The following EYS variants were observed in gnomAD, a reference collection of about 807,000 sequenced individuals.
The protein encoded by EYS is EGF-like photoreceptor maintenance factor.
EYS carries 250 observed loss-of-function variants against 282.1 expected under a neutral mutation model. The observed-to-expected ratio is 0.89, with a 90% CI of 0.80 to 0.98. The LOEUF (loss-of-function observed/expected upper bound fraction) is 0.98. Ranked by LOEUF, EYS falls within the 50% of genes least tolerant of loss-of-function variation. The probability of loss-of-function intolerance (pLI) is 0.00; values close to 1 mark genes in which losing one functional copy is unlikely to be tolerated. For synonymous variants in EYS, 1,355 were observed against 1,282.9 expected, an observed-to-expected ratio of 1.06 and a Z score of -1.20; for missense variants, 4,016 against 3,709.0, an observed-to-expected ratio of 1.08 and a Z score of -2.15.
intron 15 of EYS, among the ~76,000 whole-genome samples, chr6:64,941,430 A>T (rs773815372): frequency 2.8e-4 from 42 of 152,084 alleles, no homozygotes; most frequent in Non-Finnish European, 5.9e-5. Flanking sequence ...TTGGAATAAT[A>T]GCAATAGCTA....
chr6:63,878,668 C>A (rs1158826059), intron 35 of EYS, among the ~76,000 whole-genome samples: 5 of 152,198 alleles, frequency 3.3e-5, no homozygotes, highest in Non-Finnish European at 7.4e-5. Flanking sequence ...ACTCAAGCCT[C>A]CGCCATGGCA....
At chr6:64,083,338 G>T (rs1257801361) in intron 31 of EYS, among the ~76,000 whole-genome samples, 2 of 152,172 alleles carry the variant, frequency 1.3e-5, no homozygotes, top group Non-Finnish European at 2.9e-5. Context: ...TCCAGTCTAA[G>T]AAATTTAGTA....
rs138447983 is a variant in EYS at position 64,314,194 on chromosome 6, C to CAAAAAAAAA, written c.6079-7121_6079-7113dup. Among the ~76,000 whole-genome samples the CAAAAAAAAA allele has an allele frequency of 7.2e-4, 20 of 27,658 alleles. 5 individuals carry two copies. The highest frequency in any genetic ancestry group is 1.7e-3 in the African/African-American group (11 of 6,472). 18.1% of individuals were successfully genotyped at this position (27,658 alleles called of 152,430 possible). A position where few individuals can be genotyped will look rare whatever the true frequency, so the allele number is the denominator to read the frequency against. On this transcript the variant is annotated intron_variant, in intron 29 of 42. Transcript: ENST00000503581. ...GAAGATTTACTAAACAAATGGAAAGCAAAAAAAAAAAAAAAAAAAAAAAAG... is the reference window on the plus strand; with the variant it reads ...GAAGATTTACTAAACAAATGGAAAGCAAAAAAAAAAAAAAAAAAAAAAAAAAAAAAAAAG...
At chr6:64,551,295 A>C (rs1765073886) in intron 26 of EYS, among the ~76,000 whole-genome samples, 4 of 151,464 alleles carry the variant, frequency 2.6e-5, no homozygotes, top group Admixed American at 6.6e-5. Flanking sequence ...AAAGGTTTGG[A>C]GAGTACCTTT....
At chr6:64,547,188 A>T (rs1393644688) in intron 26 of EYS, among the ~76,000 whole-genome samples, 3 of 152,166 alleles carry the variant, frequency 2.0e-5, no homozygotes, top group African/African-American at 7.2e-5. Context: ...TTTATTGCAA[A>T]GAGTGAAAGA....
chr6:64,529,807 G>C (rs1354334763), intron 26 of EYS, among the ~76,000 whole-genome samples: 1 of 149,244 alleles, frequency 6.7e-6, no homozygotes, highest in Non-Finnish European at 1.5e-5. Context: ...CAGACTTGCT[G>C]ATTGTGCCAA....
At chr6:64,076,793 T>C (rs1431576928) in intron 32 of EYS, among the ~76,000 whole-genome samples, 1 of 151,898 alleles carries the variant, frequency 6.6e-6, no homozygotes, top group African/African-American at 2.4e-5. Context: ...ACAGAGGTGT[T>C]TGCTATTTGG....
intron 13 of EYS, among the ~76,000 whole-genome samples, chr6:65,050,482 C>A (rs571845657): frequency 6.6e-6 from 1 of 151,510 alleles, no homozygotes; most frequent in Admixed American, 6.6e-5. Context: ...GACCACTCCT[C>A]CAAAATAATA....
At chr6:64,305,538 A>T (rs945302128) in intron 30 of EYS, among the ~76,000 whole-genome samples, 7 of 152,186 alleles carry the variant, frequency 4.6e-5, no homozygotes, top group Admixed American at 3.9e-4. Flanking sequence ...AAAGACCAAC[A>T]TATTGACTAA....
At chr6:64,505,501 G>A (rs895277676) in intron 26 of EYS, among the ~76,000 whole-genome samples, 1 of 152,132 alleles carries the variant, frequency 6.6e-6, no homozygotes, top group Non-Finnish European at 1.5e-5. Context: ...CACCCTCAAT[G>A]ATGCGCCCCC....
At chr6:64,671,730 TA>T (rs922663822) in intron 22 of EYS, among the ~76,000 whole-genome samples, 3 of 151,148 alleles carry the variant, frequency 2.0e-5, no homozygotes, top group African/African-American at 4.9e-5. Flanking sequence ...TAATAGAATT[TA>T]AAAAAAAACC....
intron 5 of EYS, among the ~76,000 whole-genome samples, chr6:65,442,388 T>A (rs561211982): frequency 6.6e-5 from 10 of 152,202 alleles, no homozygotes; most frequent in Non-Finnish European, 1.0e-4. Context: ...AACTTAGAAA[T>A]TTTATTATTT....
intron 1 of EYS, among the ~76,000 whole-genome samples, chr6:65,641,482 A>G (rs1253115971): frequency 6.6e-6 from 1 of 152,192 alleles, no homozygotes; most frequent in Non-Finnish European, 1.5e-5. Context: ...TTCTTCAGAG[A>G]GGAGGAGAGC....
intron 38 of EYS, 138 bp from the exon 39 acceptor site, chr6:63,788,387 C>A (rs1770423205): frequency 1.6e-6 from 1 of 639,046 alleles, no homozygotes; most frequent in South Asian, 2.1e-5. Context: ...TAACATGATA[C>A]CACTCAATTC....
intron 5 of EYS, among the ~76,000 whole-genome samples, chr6:65,412,268 A>G (rs192043705): frequency 6.6e-6 from 1 of 152,290 alleles, no homozygotes; most frequent in Admixed American, 6.5e-5. Context: ...AATTTGTTAT[A>G]GTAGCCTAAA....
At chr6:65,190,017 G>T (rs1263322743) in intron 12 of EYS, among the ~76,000 whole-genome samples, 1 of 151,510 alleles carries the variant, frequency 6.6e-6, no homozygotes, top group Admixed American at 6.6e-5. Flanking sequence ...GATCACAAGG[G>T]CCACAGATGA....
intron 28 of EYS, among the ~76,000 whole-genome samples, chr6:64,422,768 C>G (rs532579383): frequency 6.6e-6 from 1 of 152,110 alleles, no homozygotes; most frequent in Non-Finnish European, 1.5e-5. Flanking sequence ...CTATGTTAAT[C>G]TTGTGCTACC....
At chr6:64,083,693 C>T (rs1488018768) in intron 31 of EYS, among the ~76,000 whole-genome samples, 1 of 152,172 alleles carries the variant, frequency 6.6e-6, no homozygotes, top group African/African-American at 2.4e-5. Flanking sequence ...ATACAGGATG[C>T]TCAGTTAAAT....
chr6:65,481,880 AC>A (rs776203125), intron 5 of EYS, among the ~76,000 whole-genome samples: 44 of 151,974 alleles, frequency 2.9e-4, no homozygotes, highest in Admixed American at 2.6e-3. Context: ...CAATTTTGAG[AC>A]AATTTATAGT....
Sources: allele counts gnomAD v4.1 joint callset (sites outside exome capture counted in the v4.1 genomes callset), GRCh38; gene constraint gnomAD v4.1.1; transcripts MANE v1.5; gene names NCBI Gene and HGNC (gene_info 2026-07-23, HGNC 2026-07-21).